The following SUN1 variants were observed in gnomAD, a reference collection of about 807,000 sequenced individuals.
SUN1 encodes the protein SUN domain-containing protein 1.
Under a neutral mutation model 103.2 loss-of-function variants are expected in SUN1, and 61 were observed. The ratio of observed to expected loss-of-function variants is 0.59; its 90% CI spans 0.48 to 0.73. SUN1 has a LOEUF of 0.73. Among genes scored for constraint, SUN1 ranks in the 30% least tolerant of loss-of-function variants. SUN1 has a pLI of 0.00. For synonymous variants in SUN1, 490 were observed against 425.7 expected, an observed-to-expected ratio of 1.15 and a Z score of -1.86; for missense variants, 1,052 against 1,034.6, an observed-to-expected ratio of 1.02 and a Z score of -0.23.
chr7:824,893 G>C (rs1790036968), intron 1 of SUN1, among the ~76,000 whole-genome samples: 1 of 152,180 alleles, frequency 6.6e-6, no homozygotes. Flanking sequence ...GGGTGCTCCA[G>C]GGGTGCTCGG....
rs192477065 is a variant in SUN1 at position 841,857 on chromosome 7, C to T, written c.267-89C>T. On this transcript the variant is annotated intron_variant, in intron 2 of 18. Transcript: ENST00000401592. ...GGTTTGCCTTAAAATGCTGTTTATT[C>T]CCAGATTAAGAGTTTGTGTTGGTCA... is the stretch of plus-strand genomic sequence containing the variant. 5.8e-6 allele frequency: 8 copies of T among 1,389,516 alleles called. No homozygotes were observed. The East Asian group carries it at 1.2e-4, about 21-fold the overall frequency. 86.1% of individuals were successfully genotyped at this position (1,389,516 alleles called of 1,614,324 possible).
chr7:833,456 G>A (rs747613207), intron 1 of SUN1, among the ~76,000 whole-genome samples: 4 of 151,960 alleles, frequency 2.6e-5, no homozygotes, highest in South Asian at 2.1e-4. Context: ...GATTACAGAC[G>A]TGCGCCACCA....
At chr7:872,348 T>A (rs1156628763) in intron 17 of SUN1, 122 bp from the exon 18 acceptor site, 17 of 767,188 alleles carry the variant, frequency 2.2e-5, no homozygotes, top group Non-Finnish European at 1.3e-5. Context: ...GGAATGACCT[T>A]CTCTTACTGA....
At chr7:824,596 G>C (rs2128164009) in intron 1 of SUN1, among the ~76,000 whole-genome samples, 2 of 152,318 alleles carry the variant, frequency 1.3e-5, no homozygotes, top group South Asian at 4.1e-4. Flanking sequence ...AGAGGAAGTG[G>C]GGTTTGTATT....
At chr7:841,438 T>C (rs1809812117) in intron 2 of SUN1, among the ~76,000 whole-genome samples, 1 of 151,718 alleles carries the variant, frequency 6.6e-6, no homozygotes, top group Admixed American at 6.6e-5. Context: ...GAGATGGGGT[T>C]TCACCGTGTT....
chr7:840,955 CAG>C (rs923523676), intron 2 of SUN1, among the ~76,000 whole-genome samples: 15 of 150,886 alleles, frequency 9.9e-5, no homozygotes, highest in African/African-American at 3.4e-4. Flanking sequence ...TATTTTGAGA[CAG>C]AGTTTCGCTT....
chr7:815,708 G>C (rs968946398), upstream of SUN1, among the ~76,000 whole-genome samples: 2 of 152,248 alleles, frequency 1.3e-5, no homozygotes, highest in African/African-American at 2.4e-5. Context: ...GAGAACCTGC[G>C]AATTCCACGC....
intron 6 of SUN1, 106 bp from the exon 7 acceptor site, chr7:851,844 C>G: frequency 1.4e-5 from 17 of 1,189,092 alleles, no homozygotes; most frequent in Non-Finnish European, 2.1e-5. Context: ...TCACCTCCAG[C>G]TTCATCTTCA....
At position 852,654 on chromosome 7, in the gene SUN1, C is replaced by T; in HGVS notation, c.897C>T (p.Leu299=). 3 of 1,614,208 alleles carry T rather than the reference C, an allele frequency of 1.9e-6. No individual in the cohort carries two copies. The highest frequency in any genetic ancestry group is 1.1e-5 in the South Asian group (1 of 91,086). Residue 299 remains leucine, a synonymous_variant, in exon 8 of 19, where the codon CTC becomes CTT. Coordinates refer to ENST00000401592, the MANE Select transcript of SUN1 (RefSeq NM_001130965.3). ...ICKFLVLLIP[L]FLLLAGLSLR... ...AGTTTTTAGTCTTGCTCATCCCACT[C>T]TTCCTTTTACTAGGTAAGTCAAATC...
chr7:839,553 T>TCTGTGTGTTAACTGAGAAATACATAAAG (rs1807087885), intron 2 of SUN1, among the ~76,000 whole-genome samples: 1 of 50,914 alleles, frequency 2.0e-5, no homozygotes, highest in Non-Finnish European at 4.2e-5. Context: ...GCCTGGCAAA[T>TCTGTGTGTTAACTGAGAAATACATAAAG]TTTCCTTTTT....
intron 13 of SUN1, among the ~76,000 whole-genome samples, chr7:859,152 C>CA (rs140482514): frequency 0.057 from 5,078 of 88,438 alleles, 298 homozygotes; most frequent in African/African-American, 0.18. Context: ...GACTCCGTCT[C>CA]AAAAAAAAAA....
chr7:840,089 T>C (rs1807790555), intron 2 of SUN1, among the ~76,000 whole-genome samples: 1 of 152,192 alleles, frequency 6.6e-6, no homozygotes, highest in Non-Finnish European at 1.5e-5. Context: ...GTTCCAGTCA[T>C]CTTTCTCTCG....
At chr7:832,205 T>C (rs1220983389), upstream of SUN1, 10 of 755,020 alleles carry the variant, frequency 1.3e-5, no homozygotes, top group Non-Finnish European at 1.8e-5. Context: ...GCTCTGAGTT[T>C]CTCTCCGTGT....
intron 5 of SUN1, chr7:843,883 G>C: frequency 2.3e-6 from 3 of 1,287,956 alleles, no homozygotes; most frequent in Non-Finnish European, 3.0e-6. Flanking sequence ...TTGGGACGCT[G>C]CTCTGGTCTG....
chr7:850,145 C>A, intron 5 of SUN1: 1 of 971,828 alleles, frequency 1.0e-6, no homozygotes, highest in South Asian at 1.6e-5. Flanking sequence ...TAAAAACTGA[C>A]AGGAATAGTA....
intron 14 of SUN1, among the ~76,000 whole-genome samples, chr7:860,664 C>T (rs1016276807): frequency 6.6e-6 from 1 of 152,212 alleles, no homozygotes; most frequent in Non-Finnish European, 1.5e-5. Context: ...GCCCATCTGC[C>T]TGTGTGGTGG....
At chr7:855,092 T>C in intron 11 of SUN1, 86 bp downstream of exon 11, 1 of 1,051,044 alleles carries the variant, frequency 9.5e-7, no homozygotes, top group Non-Finnish European at 1.4e-6. Flanking sequence ...TCATTTAATG[T>C]TCCTCTTTTT....
intron 1 of SUN1, among the ~76,000 whole-genome samples, chr7:822,674 C>G (rs1262025366): frequency 6.6e-6 from 1 of 152,200 alleles, no homozygotes; most frequent in African/African-American, 2.4e-5. Context: ...CTGGGGAGAA[C>G]AGAGCGCTAG....
intron 16 of SUN1, among the ~76,000 whole-genome samples, chr7:867,142 C>T (rs1585246350): frequency 6.6e-6 from 1 of 152,228 alleles, no homozygotes; most frequent in East Asian, 1.9e-4. Flanking sequence ...CAGGCTGCCC[C>T]GGCGGAACTG....
Sources: gnomAD v4.1 joint callset for allele counts (sites outside exome capture counted in the v4.1 genomes callset) on GRCh38, gnomAD v4.1.1 for gene constraint, MANE v1.5 for transcripts, NCBI Gene and HGNC (gene_info 2026-07-23, HGNC 2026-07-21) for gene names.